The following ISG20L2 variants were observed in gnomAD, a reference collection of about 807,000 sequenced individuals.
ISG20L2 encodes the protein interferon-stimulated 20 kDa exonuclease-like 2.
Under a neutral mutation model 27.8 loss-of-function variants are expected in ISG20L2, and 14 were observed. That is an observed-to-expected ratio of 0.50 (90% CI 0.33 to 0.79). The LOEUF (loss-of-function observed/expected upper bound fraction) is 0.79. Among genes scored for constraint, ISG20L2 ranks in the 30% least tolerant of loss-of-function variants. ISG20L2 has a pLI of 0.02. For synonymous variants in ISG20L2, 157 were observed against 165.7 expected (o/e 0.95, Z 0.40); for missense variants, 393 against 435.1 (o/e 0.90, Z 0.86).
intron 2 of ISG20L2, chr1:156,726,420 A>C (rs1222015342): frequency 2.0e-6 from 2 of 985,136 alleles, no homozygotes; most frequent in African/African-American, 3.5e-5. Context: ...AACCTAAAAT[A>C]GTTTTTTTGT....
chr1:156,723,071 C>T lies in ISG20L2; in HGVS notation c.*278G>A, dbSNP rs1186496993. ...GTTAAAAATCTTAACTGGCACAGAG[C>T]ACCCTGGGACACCTGTGGTTAGCAC... On this transcript the variant is annotated 3_prime_UTR_variant, in exon 4 of 4. Coordinates refer to ENST00000368219, the MANE Select transcript of ISG20L2 (RefSeq NM_001370150.2). The T allele has an allele frequency of 5.5e-6, 2 of 361,462 alleles. No individual in the cohort carries two copies. Among genetic ancestry groups the T allele is most frequent in the Non-Finnish European group, 1.0e-5 (2 of 197,334 alleles). The allele number at this position is 361,462 out of a possible 1,614,324, so 22.4% of individuals were successfully genotyped here.
rs1648655277 is a variant in ISG20L2, at chr1:156,724,219, C to A, written c.877G>T (p.Ala293Ser). 2 of 1,613,512 alleles carry A rather than the reference C, an allele frequency of 1.2e-6. No individual in the cohort carries two copies. Among genetic ancestry groups the A allele is most frequent in the Non-Finnish European group, 1.7e-6 (2 of 1,179,924 alleles). ...TSHIPPLNRK[A>S]DCPENATMSL... ...ATGGTGGCATTCTCCGGGCAGTCAG[C>A]CTTCCGGTTGAGGGGGGGGATATGG... is the stretch of plus-strand genomic sequence containing the variant. The change falls in exon 3 of 4, where the codon GCT (alanine) becomes TCT (serine). Residue 293 changes from alanine to serine, a missense_variant. Around this residue, in one of 3 missense-constraint regions of ISG20L2, gnomAD observed 171 missense variants for 195.3 expected, o/e 0.88. Coordinates refer to ENST00000368219, the MANE Select transcript of ISG20L2 (RefSeq NM_001370150.2).
At chr1:156,723,725 A>T in intron 3 of ISG20L2, 2 of 985,446 alleles carry the variant, frequency 2.0e-6, no homozygotes, top group Non-Finnish European at 2.4e-6. Flanking sequence ...GAGATAGAAC[A>T]TACCAGGTCA....
At chr1:156,726,681 G>C in intron 2 of ISG20L2, 3 of 985,304 alleles carry the variant, frequency 3.0e-6, no homozygotes, top group Non-Finnish European at 3.6e-6. Flanking sequence ...ACTGCGCCCG[G>C]CTAAAATAGA....
intron 3 of ISG20L2, 76 bp downstream of exon 3, chr1:156,724,072 T>C: frequency 7.4e-7 from 1 of 1,357,280 alleles, no homozygotes; most frequent in Non-Finnish European, 1.0e-6. Context: ...ACAGGACTTC[T>C]GAGATCAGAG....
intron 1 of ISG20L2, 70 bp from the exon 2 acceptor site, chr1:156,727,839 CG>C: frequency 7.1e-7 from 1 of 1,404,980 alleles, no homozygotes; most frequent in Non-Finnish European, 9.2e-7. Context: ...GCTCGATCTC[CG>C]TAGGACTTAT....
chr1:156,726,730 C>T, intron 2 of ISG20L2, 176 bp downstream of exon 2: 1 of 985,438 alleles, frequency 1.0e-6, no homozygotes, highest in Non-Finnish European at 1.2e-6. Flanking sequence ...CTAATTGTAC[C>T]TTCCTGACTT....
At chr1:156,724,121 G>C in intron 3 of ISG20L2, 27 bp downstream of exon 3, 2 of 1,585,472 alleles carry the variant, frequency 1.3e-6, no homozygotes, top group Non-Finnish European at 1.7e-6. Context: ...GTCCAAGATG[G>C]GGGCGGGGGA....
intron 2 of ISG20L2, chr1:156,725,926 A>G: frequency 2.0e-6 from 2 of 985,484 alleles, no homozygotes; most frequent in Non-Finnish European, 2.4e-6. Flanking sequence ...CAGAGAGGGC[A>G]GAGTGTGGAC....
Position 156,728,477 on chromosome 1 carries a change from C to A in ISG20L2, c.-180G>T. ...AGCCGGATGCGGAAATCGGTGCGCG[C>A]CGACGAAGCCCGGGAAGGCAGGCGC... On this transcript the variant is annotated 5_prime_UTR_variant, in exon 1 of 4. Transcript: ENST00000368219. The A allele has an allele frequency of 4.1e-6, 4 of 984,338 alleles. No individual in the cohort carries two copies. The highest frequency in any genetic ancestry group is 4.8e-6 in the Non-Finnish European group (4 of 829,906). 61.0% of individuals were successfully genotyped at this position (984,338 alleles called of 1,614,324 possible). A position where few individuals can be genotyped will look rare whatever the true frequency, so the allele number is the denominator to read the frequency against.
rs11443455 is a variant in ISG20L2, at chr1:156,722,263, A to AT, written c.*1085dup. On this transcript the variant is annotated 3_prime_UTR_variant, in exon 4 of 4. Transcript: ENST00000368219. Reference sequence around the variant, plus strand: ...CATGGAAAGGGACCACACAATTTTAATTTTTTTTTTTTTTTGAGACAGAGT... The same window carrying AT: ...CATGGAAAGGGACCACACAATTTTAATTTTTTTTTTTTTTTTGAGACAGAGT... The AT allele has an allele frequency of 0.13, 19,322 of 144,016 alleles. 1,771 individuals are homozygous for AT. Among genetic ancestry groups the AT allele is most frequent in the African/African-American group, 0.24 (9,393 of 39,404 alleles). The allele number at this position is 144,016 out of a possible 1,614,324, so 8.9% of individuals were successfully genotyped here. A position where few individuals can be genotyped will look rare whatever the true frequency, so the allele number is the denominator to read the frequency against.
chr1:156,724,060 C>T (rs1167199297), intron 3 of ISG20L2, 88 bp downstream of exon 3: 3 of 1,285,424 alleles, frequency 2.3e-6, no homozygotes, highest in Non-Finnish European at 3.4e-6. Flanking sequence ...ATCTCTACAA[C>T]CACAGGACTT....
rs781225626 is a variant in ISG20L2, at chr1:156,727,023, C to A, written c.630G>T (p.Val210=). The part of the protein sequence containing the change: ...RCSIVNYNGD[V]LYDEYILPPC... ...GGGGAAGAATGTACTCGTCATAAAGCACATCTCCGTTGTAGTTGACAATGC... is the reference window on the plus strand; with the variant it reads ...GGGGAAGAATGTACTCGTCATAAAGAACATCTCCGTTGTAGTTGACAATGC... The change falls in exon 2 of 4, where the codon GTG becomes GTT. Residue 210 remains valine, a synonymous_variant. Transcript: ENST00000368219. 3.7e-6 allele frequency: 6 copies of A among 1,614,214 alleles called. No individual in the cohort carries two copies. Among genetic ancestry groups the A allele is most frequent in the Admixed American group, 1.7e-5 (1 of 60,022 alleles).
At position 156,727,749 on chromosome 1, in the gene ISG20L2, T is replaced by C; in HGVS notation, c.-97A>G. On this transcript the variant is annotated 5_prime_UTR_variant, in exon 2 of 4. An upstream start codon of the reference 5' UTR is lost. Transcript: ENST00000368219. ...CTCTGCTGAATCCTACTGTCCAACA[T>C]GTGGAGGTCTGTAGTACACCCTGGG... 6.6e-7 allele frequency: 1 copy of C among 1,519,918 alleles called. No individual in the cohort carries two copies. The highest frequency in any genetic ancestry group is 8.7e-7 in the Non-Finnish European group (1 of 1,144,490). 94.2% of individuals were successfully genotyped at this position (1,519,918 alleles called of 1,614,324 possible). A position where few individuals can be genotyped will look rare whatever the true frequency, so the allele number is the denominator to read the frequency against.
intron 1 of ISG20L2, 170 bp from the exon 2 acceptor site, chr1:156,727,939 C>G (rs751055551): frequency 7.0e-6 from 8 of 1,150,706 alleles, no homozygotes; most frequent in Non-Finnish European, 8.6e-6. Flanking sequence ...TGTTAGCCAG[C>G]AAGCCTGGAT....
chr1:156,727,711 T>C lies in ISG20L2; in HGVS notation c.-59A>G. On this transcript the variant is annotated 5_prime_UTR_variant, in exon 2 of 4. Coordinates refer to ENST00000368219, the MANE Select transcript of ISG20L2 (RefSeq NM_001370150.2). ...GAGTGGCTTATGGATGAAAAGAGGATGTGGGACTCATTCTCTGCTGAATCC... is the reference window on the plus strand; with the variant it reads ...GAGTGGCTTATGGATGAAAAGAGGACGTGGGACTCATTCTCTGCTGAATCC... The C allele has an allele frequency of 6.4e-7, 1 of 1,559,208 alleles. No homozygotes were observed. The highest frequency in any genetic ancestry group is 8.6e-7 in the Non-Finnish European group (1 of 1,159,940).
Position 156,727,393 on chromosome 1 carries a change from C to T in ISG20L2, c.260G>A (p.Gly87Glu). Residue 87 changes from glycine to glutamate, a missense_variant, in exon 2 of 4, where the codon GGG becomes GAG. Gly to Glu is a moderately conservative substitution (Grantham distance 98). Transcript: ENST00000368219. ...PKKKTAASSNGSGQPLDKKAA... is the reference protein window; with the variant it reads ...PKKKTAASSNESGQPLDKKAA... ...TTTCTTGTCCAGGGGCTGTCCTGAC[C>T]CATTGCTGGAAGCAGCTGTCTTCTT... 6.2e-7 allele frequency: 1 copy of T among 1,614,154 alleles called. No individual in the cohort carries two copies. Among genetic ancestry groups the T allele is most frequent in the Non-Finnish European group, 8.5e-7 (1 of 1,180,022 alleles).
chr1:156,724,992 C>T (rs1648688873), intron 2 of ISG20L2: 1 of 151,564 alleles, frequency 6.6e-6, no homozygotes, highest in Non-Finnish European at 1.5e-5. Flanking sequence ...TGCTCTGTTG[C>T]CCAGGCTGGA....
chr1:156,724,049 G>C, intron 3 of ISG20L2, 99 bp downstream of exon 3: 1 of 1,221,440 alleles, frequency 8.2e-7, no homozygotes, highest in Non-Finnish European at 1.2e-6. Context: ...AGCCCACCTG[G>C]ATCTCTACAA....
Sources: gnomAD v4.1 joint callset for allele counts on GRCh38, gnomAD v4.1.1 for gene constraint, gnomAD v4.1.1 regional missense constraint, MANE v1.5 for transcripts, NCBI Gene and HGNC (gene_info 2026-07-23, HGNC 2026-07-21) for gene names.